EPN1: variants seen among roughly 807,000 people sequenced by gnomAD.
EPN1 encodes the protein epsin 1.
In EPN1, 25 loss-of-function variants were observed where a neutral mutation model predicts 56.9. The ratio of observed to expected loss-of-function variants is 0.44; its 90% CI spans 0.32 to 0.61. EPN1 has a LOEUF of 0.61. Ranked by LOEUF, EPN1 falls within the 20% of genes least tolerant of loss-of-function variation. The pLI is 0.05. For missense variants in EPN1, 785 were observed against 823.7 expected (o/e 0.95, Z 0.58); for synonymous variants, 411 against 361.8 (o/e 1.14, Z -1.54).
At chr19:55,693,290 C>T (rs1986700918) in intron 9 of EPN1, 1 of 485,536 alleles carries the variant, frequency 2.1e-6, no homozygotes, top group Admixed American at 3.5e-5. Flanking sequence ...GAATGTTGAC[C>T]TCTGACCCGT....
chr19:55,679,466 G>C (rs920646336), intron 2 of EPN1, among the ~76,000 whole-genome samples: 1 of 152,212 alleles, frequency 6.6e-6, no homozygotes, highest in African/African-American at 2.4e-5. Context: ...CCATGGAGCC[G>C]ATTCACGTCT....
rs12985023 is a variant in EPN1, at chr19:55,691,388, C to T, written c.763-366C>T. On this transcript the variant is annotated intron_variant, in intron 6 of 10. Transcript: ENST00000270460. This position sits in a 1 kb window ranked among gnomAD's most constrained non-coding sequence, Gnocchi z 5.6. ...GAGGGAGGATCGAGCTGCTTCGGGTCGAGCGAGGGGAGGGCTTGGCCTCCA... is the reference window on the plus strand; with the variant it reads ...GAGGGAGGATCGAGCTGCTTCGGGTTGAGCGAGGGGAGGGCTTGGCCTCCA... Among the ~76,000 whole-genome samples the T allele has an allele frequency of 0.14, 20,584 of 151,870 alleles. 1,638 individuals carry two copies. Among genetic ancestry groups the T allele is most frequent in the South Asian group, 0.28 (1,342 of 4,808 alleles).
Position 55,689,049 on chromosome 19 carries a change from T to G in EPN1, c.603+55T>G, listed in dbSNP as rs1986359593. ...CCGCCACCCGCCTCCACGCCTCACT[T>G]CAGGCTCCCTCCCAGCCAGGCGTGG... On this transcript the variant is annotated intron_variant, in intron 4 of 10. Transcript: ENST00000270460. This position sits in a 1 kb window ranked among gnomAD's most constrained non-coding sequence, Gnocchi z 5.7. 4 of 1,521,668 alleles carry G rather than the reference T, an allele frequency of 2.6e-6. No individual in the cohort carries two copies. Among genetic ancestry groups the G allele is most frequent in the Non-Finnish European group, 3.5e-6 (4 of 1,137,752 alleles). 94.3% of individuals were successfully genotyped at this position (1,521,668 alleles called of 1,614,324 possible). A position where few individuals can be genotyped will look rare whatever the true frequency, so the allele number is the denominator to read the frequency against.
In EPN1 at chr19:55,698,930, A is replaced by G. The variant is rs1265789635; in HGVS notation, c.*3574A>G. ...CCAGCTAATTTTTTTTTGTATTTTT[A>G]GTACAGACGGGGTTTCACCATGTTA... On this transcript the variant is annotated 3_prime_UTR_variant, in exon 11 of 11. Coordinates refer to ENST00000270460, the MANE Select transcript of EPN1 (RefSeq NM_001130072.2). 6.6e-6 allele frequency: 1 copy of G among 152,018 alleles called. No individual in the cohort carries two copies. Among genetic ancestry groups the G allele is most frequent in the Non-Finnish European group, 1.5e-5 (1 of 68,010 alleles). The allele number at this position is 152,018 out of a possible 1,614,324, so 9.4% of individuals were successfully genotyped here. A position where few individuals can be genotyped will look rare whatever the true frequency, so the allele number is the denominator to read the frequency against.
At chr19:55,693,177 G>A in intron 9 of EPN1, 140 bp downstream of exon 9, 2 of 660,244 alleles carry the variant, frequency 3.0e-6, no homozygotes, top group Non-Finnish European at 2.6e-6. Flanking sequence ...GGGTAGAGTG[G>A]GCCAGAACCA....
intron 9 of EPN1, chr19:55,693,250 A>ATT (rs1458257444): frequency 3.6e-6 from 2 of 550,946 alleles, no homozygotes; most frequent in Non-Finnish European, 6.5e-6. Context: ...TTAGAGAAAA[A>ATT]CTGAGAATTG....
In EPN1 at chr19:55,699,951, T is replaced by C. The variant is rs4801264; in HGVS notation, c.*4595T>C. ...ATTTTTTTTTTTTGAGACAGAGTCTTGCTCTGTCGCCCAGGCTGGAGTGCA... is the reference window on the plus strand; with the variant it reads ...ATTTTTTTTTTTTGAGACAGAGTCTCGCTCTGTCGCCCAGGCTGGAGTGCA... On this transcript the variant is annotated 3_prime_UTR_variant, in exon 11 of 11. Coordinates refer to ENST00000270460, the MANE Select transcript of EPN1 (RefSeq NM_001130072.2). 0.42 allele frequency: 62,948 copies of C among 151,602 alleles called. 14,565 individuals are homozygous for C. Among genetic ancestry groups the C allele is most frequent in the African/African-American group, 0.62 (25,473 of 41,254 alleles). 9.4% of individuals were successfully genotyped at this position (151,602 alleles called of 1,614,324 possible). A position where few individuals can be genotyped will look rare whatever the true frequency, so the allele number is the denominator to read the frequency against.
At position 55,693,010 on chromosome 19, in the gene EPN1, G is replaced by T. The variant is rs778197041; in HGVS notation, c.1237G>T (p.Ala413Ser). 4 of 1,613,278 alleles carry T rather than the reference G, an allele frequency of 2.5e-6. No individual in the cohort carries two copies. The highest frequency in any genetic ancestry group is 3.4e-6 in the Non-Finnish European group (4 of 1,179,556). ...EFSDFDRLRT[A>S]LPTSGSSAGE... is the part of the protein sequence containing the mutation. ...CTCTGACTTTGACCGACTCCGCACG[G>T]CACTGCCGACCTCCGGGAGCAGCGC... Residue 413 changes from alanine to serine, a missense_variant, in exon 9 of 11, where the codon GCA (alanine) becomes TCA (serine). Transcript: ENST00000270460.
At chr19:55,683,412 C>T (rs1008675602) in intron 2 of EPN1, among the ~76,000 whole-genome samples, 8 of 151,178 alleles carry the variant, frequency 5.3e-5, no homozygotes, top group East Asian at 3.9e-4. Flanking sequence ...AGTACAGTGG[C>T]GTGCTCTTGG....
At position 55,700,518 on chromosome 19, in the gene EPN1, C is replaced by G. The variant is rs1421370721; in HGVS notation, c.*5162C>G. On this transcript the variant is annotated 3_prime_UTR_variant, in exon 11 of 11. Coordinates refer to ENST00000270460, the MANE Select transcript of EPN1 (RefSeq NM_001130072.2). ...CTTGTGATCCACCCGCCTCGGCCTC[C>G]CAAAGTGCTGGGATTACAGGCGTGA... 1.4e-5 allele frequency: 2 copies of G among 143,334 alleles called. No homozygotes were observed. Among genetic ancestry groups the G allele is most frequent in the East Asian group, 3.9e-4 (2 of 5,188 alleles). 8.9% of individuals were successfully genotyped at this position (143,334 alleles called of 1,614,324 possible).
rs1354001894 is a variant in EPN1 at position 55,702,909 on chromosome 19, C to G, written c.*7553C>G. On this transcript the variant is annotated 3_prime_UTR_variant, in exon 11 of 11. Coordinates refer to ENST00000270460, the MANE Select transcript of EPN1 (RefSeq NM_001130072.2). ...TCCCGGGTTCATGCCATTCTCCTGC[C>G]TCAGCCTCCCGAGTAGCTGGGACTA... is the stretch of plus-strand genomic sequence containing the variant. The G allele has an allele frequency of 6.6e-6, 1 of 151,726 alleles. No homozygotes were observed. The highest frequency in any genetic ancestry group is 1.5e-5 in the Non-Finnish European group (1 of 67,954). The allele number at this position is 151,726 out of a possible 1,614,324, so 9.4% of individuals were successfully genotyped here.
At position 55,702,603 on chromosome 19, in the gene EPN1, C is replaced by T. The variant is rs1176994350; in HGVS notation, c.*7247C>T. Reference sequence around the variant, plus strand: ...TGTTAGGAGAAGTGATTTCTTTGAACTGCGTGGTGTGGTGAGAAAGGGAGC... The same window carrying T: ...TGTTAGGAGAAGTGATTTCTTTGAATTGCGTGGTGTGGTGAGAAAGGGAGC... On this transcript the variant is annotated 3_prime_UTR_variant, in exon 11 of 11. Coordinates refer to ENST00000270460, the MANE Select transcript of EPN1 (RefSeq NM_001130072.2). 6.6e-6 allele frequency: 1 copy of T among 152,166 alleles called. No homozygotes were observed. Among genetic ancestry groups the T allele is most frequent in the Non-Finnish European group, 1.5e-5 (1 of 68,030 alleles). The allele number at this position is 152,166 out of a possible 1,614,324, so 9.4% of individuals were successfully genotyped here.
Position 55,709,411 on chromosome 19 carries a change from G to A in EPN1, c.*14055G>A. On this transcript the variant is annotated 3_prime_UTR_variant, in exon 11 of 11. Transcript: ENST00000270460. ...AAAAAAAACATGAGCTTTTCTCAGA[G>A]ACACTAATATAATGAATTCATGTAC... 1 of 155,176 alleles carries A rather than the reference G, an allele frequency of 6.4e-6. No homozygotes were observed. The highest frequency in any genetic ancestry group is 1.4e-5 in the Non-Finnish European group (1 of 70,980). The allele number at this position is 155,176 out of a possible 1,614,324, so 9.6% of individuals were successfully genotyped here.
chr19:55,695,657 GTGTT>G lies in EPN1; in HGVS notation c.*304_*307del, dbSNP rs1986876486. On this transcript the variant is annotated 3_prime_UTR_variant, in exon 11 of 11. Coordinates refer to ENST00000270460, the MANE Select transcript of EPN1 (RefSeq NM_001130072.2). The surrounding 1 kb of genome is among the most constrained non-coding windows in gnomAD (Gnocchi z 4.4). ...CCTCCAAACTCCCAACCCCCAGTCA[GTGTT>G]TGAGCCTCCTCGTTCCCCTCACGCA... The G allele has an allele frequency of 2.3e-6, 1 of 431,350 alleles. No homozygotes were observed. The highest frequency in any genetic ancestry group is 4.2e-6 in the Non-Finnish European group (1 of 239,974). 26.7% of individuals were successfully genotyped at this position (431,350 alleles called of 1,614,324 possible).
chr19:55,695,299 GC>G lies in EPN1; in HGVS notation c.1680del (p.Met561Ter), dbSNP rs1306515040. 12 of 1,573,438 alleles carry G rather than the reference GC, an allele frequency of 7.6e-6. No individual in the cohort carries two copies. In the Admixed American group the frequency reaches 1.8e-4, roughly 24 times the overall value. On this transcript the variant is annotated frameshift_variant, in exon 11 of 11. Coordinates refer to ENST00000270460, the MANE Select transcript of EPN1 (RefSeq NM_001130072.2). LOFTEE classifies it high-confidence loss of function. The surrounding 1 kb of genome is among the most constrained non-coding windows in gnomAD (Gnocchi z 4.4). The part of the protein sequence containing the change: ...ISPLGGGPGL[P>X]PMMPPGPPAP... ...CTCCCCTTGGCGGGGGCCCTGGCCT[GC>G]CCCCCATGATGCCCCCGGGCCCCCC...
chr19:55,691,806 C>A lies in EPN1; in HGVS notation c.815C>A (p.Thr272Asn). ...DVFTAPAPAP[T>N]TDPWGGPAPM... ...TTCACGGCCCCAGCTCCTGCCCCGA[C>A]CACAGACCCCTGGGGGGGCCCAGCA... Residue 272 changes from threonine (T) to asparagine (N), a missense_variant, in exon 7 of 11, where the codon ACC (threonine) becomes AAC (asparagine). Around this residue, in one of 2 missense-constraint regions of EPN1, gnomAD observed 650 missense variants for 605.0 expected, o/e 1.07. Coordinates refer to ENST00000270460, the MANE Select transcript of EPN1 (RefSeq NM_001130072.2). The surrounding 1 kb of genome is among the most constrained non-coding windows in gnomAD (Gnocchi z 5.6). 8 of 1,612,576 alleles carry A rather than the reference C, an allele frequency of 5.0e-6. No individual in the cohort carries two copies. The highest frequency in any genetic ancestry group is 5.9e-6 in the Non-Finnish European group (7 of 1,179,314).
intron 1 of EPN1, chr19:55,677,641 G>C (rs546451407): frequency 6.4e-7 from 1 of 1,551,660 alleles, no homozygotes; most frequent in East Asian, 2.4e-5. Flanking sequence ...AGGCAGTGGG[G>C]CTGTTAGGTT....
rs577793052 is a variant in EPN1 at position 55,700,219 on chromosome 19, G to C, written c.*4863G>C. 1 of 150,180 alleles carries C rather than the reference G, an allele frequency of 6.7e-6. No homozygotes were observed. The allele number at this position is 150,180 out of a possible 1,614,324, so 9.3% of individuals were successfully genotyped here. A position where few individuals can be genotyped will look rare whatever the true frequency, so the allele number is the denominator to read the frequency against. ...ATTACAGGCTTGAGCCACTGTGCCC[G>C]GCCCATAAAGCACTATTTAATGACT... On this transcript the variant is annotated 3_prime_UTR_variant, in exon 11 of 11. Coordinates refer to ENST00000270460, the MANE Select transcript of EPN1 (RefSeq NM_001130072.2).
chr19:55,689,469 C>G lies in EPN1; in HGVS notation c.678+98C>G. The G allele has an allele frequency of 1.1e-6, 1 of 916,874 alleles. No individual in the cohort carries two copies. 56.8% of individuals were successfully genotyped at this position (916,874 alleles called of 1,614,324 possible). A position where few individuals can be genotyped will look rare whatever the true frequency, so the allele number is the denominator to read the frequency against. On this transcript the variant is annotated intron_variant, in intron 5 of 10. Transcript: ENST00000270460. The surrounding 1 kb of genome is among the most constrained non-coding windows in gnomAD (Gnocchi z 5.7). ...TCACCCCCCACCATCCTGCTGGGCC[C>G]GAAGCCCACAGGCTCACGCGTGTTG...
Sources: allele counts gnomAD v4.1 joint callset (sites outside exome capture counted in the v4.1 genomes callset), GRCh38; gene constraint gnomAD v4.1.1; regional missense constraint gnomAD v4.1.1; non-coding constraint Gnocchi (gnomAD v3.1); transcripts MANE v1.5; gene names NCBI Gene and HGNC (gene_info 2026-07-23, HGNC 2026-07-21).